The following KLHDC1 variants were observed in gnomAD, a reference collection of about 807,000 sequenced individuals.
KLHDC1 encodes kelch domain-containing protein 1.
A neutral mutation model predicts 68.3 loss-of-function variants in KLHDC1; 53 were observed. The observed-to-expected ratio is 0.78, with a 90% confidence interval of 0.62 to 0.98. KLHDC1 has a LOEUF of 0.98. KLHDC1 is among the 50% of genes least tolerant of loss of function. KLHDC1 has a pLI of 0.00. For synonymous variants in KLHDC1, 148 were observed against 159.0 expected (o/e 0.93, Z 0.52); for missense variants, 470 against 492.3 (o/e 0.95, Z 0.43).
rs1423876759 is a variant in KLHDC1 at position 49,713,828 on chromosome 14, ATATATATATATATATATATATAT to A, written c.404+3449_404+3471del. Among the ~76,000 whole-genome samples, 6 of 2,060 alleles carry A rather than the reference ATATATATATATATATATATATAT, an allele frequency of 2.9e-3. 1 individual carries two copies. Among genetic ancestry groups the A allele is most frequent in the African/African-American group, 4.7e-3 (6 of 1,270 alleles). The allele number at this position is 2,060 out of a possible 152,430, so 1.4% of individuals were successfully genotyped here. On this transcript the variant is annotated intron_variant, in intron 4 of 12. Transcript: ENST00000359332. The stretch of plus-strand genomic sequence containing the variant: ...TATATATATATATATATATATATAT[ATATATATATATATATATATATAT>A]TTTTTTTTTTTTTTTTCCTGAGACA...
At chr14:49,693,402 C>A (rs1011235767) in intron 1 of KLHDC1, 112 bp downstream of exon 1, 2 of 686,040 alleles carry the variant, frequency 2.9e-6, no homozygotes, top group Non-Finnish European at 4.1e-6. Context: ...CTGGCGCGCC[C>A]GGCGCCTGCA....
rs995610223 is a variant in KLHDC1, at chr14:49,702,282, A to G, written c.97-6877A>G. Among the ~76,000 whole-genome samples, 6 of 152,206 alleles carry G rather than the reference A, an allele frequency of 3.9e-5. No homozygotes were observed. The East Asian group carries it at 9.6e-4, about 24-fold the overall frequency. On this transcript the variant is annotated intron_variant, in intron 1 of 12. Coordinates refer to ENST00000359332, the MANE Select transcript of KLHDC1 (RefSeq NM_172193.3). ...AAAGGAAACCCAGGTAAAAATTACA[A>G]TGAGGTTTTTCTTCTCCAATTTGCA...
chr14:49,747,627 T>C (rs1046917175), intron 12 of KLHDC1, among the ~76,000 whole-genome samples: 4 of 152,190 alleles, frequency 2.6e-5, no homozygotes, highest in African/African-American at 9.7e-5. Flanking sequence ...GAAGTTCTAG[T>C]TGATAGTGAG....
rs544069776 is a variant in KLHDC1, at chr14:49,715,399, A to T, written c.404+5018A>T. ...GCCTCCCAAAGTGCTGGGATTACAG[A>T]TGTGAGCCACCGTGCCCGGCCTACT... On this transcript the variant is annotated intron_variant, in intron 4 of 12. Coordinates refer to ENST00000359332, the MANE Select transcript of KLHDC1 (RefSeq NM_172193.3). Among the ~76,000 whole-genome samples the T allele has an allele frequency of 2.0e-5, 3 of 151,338 alleles. No homozygotes were observed. The South Asian group carries it at 6.2e-4, about 32-fold the overall frequency.
At chr14:49,743,323 C>A (rs1172204736) in intron 11 of KLHDC1, among the ~76,000 whole-genome samples, 1 of 149,760 alleles carries the variant, frequency 6.7e-6, no homozygotes, top group East Asian at 2.0e-4. Context: ...TCGCTTGAAC[C>A]TGGGAGTTGG....
chr14:49,747,667 G>A lies in KLHDC1; in HGVS notation c.1034+3862G>A, dbSNP rs569415628. ...TCTGATAAGAGAAAAGAGAGGTGAG[G>A]ATAAGAACTTAAGATGAATGGTGAA... On this transcript the variant is annotated intron_variant, in intron 12 of 12. Coordinates refer to ENST00000359332, the MANE Select transcript of KLHDC1 (RefSeq NM_172193.3). 3.9e-5 allele frequency among the ~76,000 whole-genome samples: 6 copies of A among 152,240 alleles called. No homozygotes were observed. The South Asian group carries it at 1.2e-3, about 32-fold the overall frequency.
intron 4 of KLHDC1, among the ~76,000 whole-genome samples, chr14:49,715,498 G>A (rs1291949564): frequency 6.6e-6 from 1 of 150,926 alleles, no homozygotes; most frequent in African/African-American, 2.4e-5. Flanking sequence ...TGTAAGCCCA[G>A]CACTTTGGGA....
intron 4 of KLHDC1, among the ~76,000 whole-genome samples, chr14:49,717,075 AC>A (rs1406437964): frequency 6.6e-6 from 1 of 152,112 alleles, no homozygotes; most frequent in Non-Finnish European, 1.5e-5. Context: ...GTAATATTCC[AC>A]TGTATGTATA....
chr14:49,693,343 G>A, intron 1 of KLHDC1, 53 bp downstream of exon 1: 1 of 1,262,842 alleles, frequency 7.9e-7, no homozygotes, highest in Non-Finnish European at 1.0e-6. Flanking sequence ...CCCTCGGCCT[G>A]AGCGGACGCA....
At chr14:49,704,385 C>CTTTTTTT (rs1246947964) in intron 1 of KLHDC1, among the ~76,000 whole-genome samples, 5 of 73,594 alleles carry the variant, frequency 6.8e-5, no homozygotes, top group African/African-American at 1.9e-4. Flanking sequence ...TTTTCCTTTT[C>CTTTTTTT]TGTTTTTTTT....
chr14:49,730,312 C>G (rs1490066150), intron 8 of KLHDC1, among the ~76,000 whole-genome samples: 1 of 146,988 alleles, frequency 6.8e-6, no homozygotes, highest in Non-Finnish European at 1.5e-5. Flanking sequence ...AACCTCGCCT[C>G]CCAGGTTCAA....
chr14:49,738,937 G>A (rs1410397636), intron 10 of KLHDC1, among the ~76,000 whole-genome samples: 2 of 152,222 alleles, frequency 1.3e-5, no homozygotes, highest in Non-Finnish European at 2.9e-5. Flanking sequence ...CAGTAAGCCA[G>A]TTTGAGCACA....
Position 49,751,860 on chromosome 14 carries a change from G to A in KLHDC1, c.*88G>A. ...TCCCAAATTGCAGGCTTTATTTAAA[G>A]GATAAAATTTAAAGGATAAAAAAAC... is the stretch of plus-strand genomic sequence containing the variant. On this transcript the variant is annotated 3_prime_UTR_variant, in exon 13 of 13. Coordinates refer to ENST00000359332, the MANE Select transcript of KLHDC1 (RefSeq NM_172193.3). The A allele has an allele frequency of 1.7e-6, 1 of 584,102 alleles. No homozygotes were observed. The highest frequency in any genetic ancestry group is 2.7e-6 in the Non-Finnish European group (1 of 369,822). 36.2% of individuals were successfully genotyped at this position (584,102 alleles called of 1,614,324 possible).
intron 2 of KLHDC1, among the ~76,000 whole-genome samples, 200 bp downstream of exon 2, chr14:49,709,429 T>G (rs528173783): frequency 1.3e-5 from 2 of 152,204 alleles, no homozygotes; most frequent in African/African-American, 2.4e-5. Context: ...TCTTTTAGTA[T>G]TTCTCTCAAG....
intron 4 of KLHDC1, among the ~76,000 whole-genome samples, chr14:49,716,754 G>T (rs189820759): frequency 6.6e-6 from 1 of 152,160 alleles, no homozygotes; most frequent in East Asian, 1.9e-4. Context: ...TATATTAAGT[G>T]TACAATTCAG....
Position 49,695,938 on chromosome 14 carries a change from C to T in KLHDC1, c.96+2648C>T, listed in dbSNP as rs1006002798. On this transcript the variant is annotated intron_variant, in intron 1 of 12. Transcript: ENST00000359332. The stretch of plus-strand genomic sequence containing the variant: ...AAAATTAGCCAGGCGTGGTGGCAGG[C>T]GCCTATAGTCTCAGCTACTGGGGAG... 4.0e-5 allele frequency among the ~76,000 whole-genome samples: 6 copies of T among 151,866 alleles called. No homozygotes were observed. In the South Asian group the frequency reaches 8.3e-4, roughly 21 times the overall value.
chr14:49,709,206 C>A lies in KLHDC1; in HGVS notation c.144C>A (p.Thr48=). ...ATTTGCCTAATGATGAAATTTGGAC[C>A]TATGATATTGATAGTGGGTTGTGGT... ...EVYLPNDEIW[T]YDIDSGLWRM... Residue 48 remains threonine (T), a synonymous_variant, in exon 2 of 13, where the codon ACC becomes ACA. Coordinates refer to ENST00000359332, the MANE Select transcript of KLHDC1 (RefSeq NM_172193.3). 3 of 1,371,672 alleles carry A rather than the reference C, an allele frequency of 2.2e-6. No individual in the cohort carries two copies. Among genetic ancestry groups the A allele is most frequent in the Admixed American group, 1.9e-5 (1 of 52,060 alleles). 85.0% of individuals were successfully genotyped at this position (1,371,672 alleles called of 1,614,324 possible).
intron 4 of KLHDC1, among the ~76,000 whole-genome samples, chr14:49,713,796 A>T (rs1888271419): frequency 1.2e-5 from 1 of 80,102 alleles, no homozygotes; most frequent in Non-Finnish European, 2.3e-5. Flanking sequence ...CTGAGGCAGG[A>T]GGTATATATA....
chr14:49,723,910 C>A lies in KLHDC1; in HGVS notation c.441C>A (p.His147Gln). The change falls in exon 5 of 13, where the codon CAC becomes CAA. Residue 147 changes from histidine (H) to glutamine (Q), a missense_variant. Physicochemically the swap from His to Gln is conservative, Grantham distance 24. Coordinates refer to ENST00000359332, the MANE Select transcript of KLHDC1 (RefSeq NM_172193.3). The stretch of plus-strand genomic sequence containing the variant: ...TTGGTGGTTATGGGTGTAGGAGACA[C>A]AGTGAACTCCAAGACTGTTTTGATG... ...IYFGGYGCRR[H>Q]SELQDCFDVH... The A allele has an allele frequency of 6.2e-7, 1 of 1,605,250 alleles. No homozygotes were observed. The highest frequency in any genetic ancestry group is 8.5e-7 in the Non-Finnish European group (1 of 1,173,552).
Sources: allele counts gnomAD v4.1 joint callset (sites outside exome capture counted in the v4.1 genomes callset), GRCh38; gene constraint gnomAD v4.1.1; transcripts MANE v1.5; gene names NCBI Gene and HGNC (gene_info 2026-07-23, HGNC 2026-07-21).